PRKCD: variants seen among roughly 807,000 people sequenced by gnomAD.
PRKCD encodes the protein protein kinase C delta.
PRKCD carries 20 observed loss-of-function variants against 82.2 expected under a neutral mutation model. That is an observed-to-expected ratio of 0.24 (90% CI 0.17 to 0.35). The LOEUF (loss-of-function observed/expected upper bound fraction) is 0.35. Ranked by LOEUF, PRKCD falls within the 10% of genes least tolerant of loss-of-function variation. The probability of loss-of-function intolerance (pLI) is 1.00; values close to 1 mark genes in which losing one functional copy is unlikely to be tolerated. For synonymous variants in PRKCD, 317 were observed against 337.0 expected (o/e 0.94, Z 0.65); for missense variants, 607 against 899.0 (o/e 0.68, Z 4.15).
chr3:53,164,708 T>TA (rs1245511957), intron 1 of PRKCD, among the ~76,000 whole-genome samples: 3 of 151,910 alleles, frequency 2.0e-5, no homozygotes, highest in Non-Finnish European at 4.4e-5. Flanking sequence ...GTTTCCCCAT[T>TA]AAAAAAACTG....
chr3:53,187,551 C>A (rs1319478763), intron 15 of PRKCD, 149 bp downstream of exon 15: 2 of 901,040 alleles, frequency 2.2e-6, no homozygotes, highest in Non-Finnish European at 3.3e-6. Context: ...ATGCCTCCCA[C>A]CCTGGTGTTA....
In PRKCD at chr3:53,185,613, C is replaced by G; in HGVS notation, c.898C>G (p.Arg300Gly). The G allele has an allele frequency of 1.2e-6, 2 of 1,613,448 alleles. No individual in the cohort carries two copies. Among genetic ancestry groups the G allele is most frequent in the African/African-American group, 1.3e-5 (1 of 75,040 alleles). The change falls in exon 11 of 19, where the codon CGG becomes GGG. Residue 300 changes from arginine to glycine, a missense_variant. Around this residue, in one of 5 missense-constraint regions of PRKCD, gnomAD observed 85 missense variants for 76.1 expected, o/e 1.12. Transcript: ENST00000330452. ...TCTGCTCCCTCCCCAGAGAGCCTCC[C>G]GGAGATCAGACTCAGCCTCCTCAGA... is the stretch of plus-strand genomic sequence containing the variant. ...ALNQVTQRAS[R>G]RSDSASSEPV...
chr3:53,173,172 C>T (rs1703096490), intron 2 of PRKCD, among the ~76,000 whole-genome samples: 1 of 152,340 alleles, frequency 6.6e-6, no homozygotes, highest in South Asian at 2.1e-4. Flanking sequence ...ACCCCAGCCT[C>T]CTGTGCTGGT....
chr3:53,188,989 C>T lies in PRKCD; in HGVS notation c.1555-69C>T, dbSNP rs535109844. Reference sequence around the variant, plus strand: ...AGGCTGAGGCGGCCTGGCTAGGCTTCGTGCCCAGGGGCCCCTCTCAGCCTC... The same window carrying T: ...AGGCTGAGGCGGCCTGGCTAGGCTTTGTGCCCAGGGGCCCCTCTCAGCCTC... On this transcript the variant is annotated intron_variant, in intron 16 of 18. Transcript: ENST00000330452. The T allele has an allele frequency of 1.6e-4, 248 of 1,570,376 alleles. 2 individuals are homozygous for T. Among genetic ancestry groups the T allele is most frequent in the Non-Finnish European group, 1.7e-4 (197 of 1,156,684 alleles).
At chr3:53,170,435 C>T (rs946054788) in intron 2 of PRKCD, among the ~76,000 whole-genome samples, 4 of 152,208 alleles carry the variant, frequency 2.6e-5, no homozygotes, top group Non-Finnish European at 2.9e-5. Context: ...GGTTCAAGCC[C>T]TCCCCTCCCC....
intron 2 of PRKCD, among the ~76,000 whole-genome samples, chr3:53,176,515 G>A (rs1559620785): frequency 1.3e-5 from 2 of 152,278 alleles, no homozygotes; most frequent in Non-Finnish European, 2.9e-5. Flanking sequence ...GTCTGAGTGT[G>A]CCCCTGTGTG....
chr3:53,189,824 A>G (rs1553670403), intron 17 of PRKCD, 49 bp from the exon 18 acceptor site: 1 of 1,609,776 alleles, frequency 6.2e-7, no homozygotes, highest in African/African-American at 1.3e-5. Flanking sequence ...CTGAAGCTCC[A>G]ATTTCCCATG....
At chr3:53,162,858 A>C (rs1236264450) in intron 1 of PRKCD, among the ~76,000 whole-genome samples, 2 of 151,886 alleles carry the variant, frequency 1.3e-5, no homozygotes, top group African/African-American at 4.8e-5. Context: ...GTGCCTACCC[A>C]CCAGTCTCAT....
chr3:53,170,744 A>G lies in PRKCD; in HGVS notation c.-20+5529A>G, dbSNP rs58435324. Among the ~76,000 whole-genome samples, 1,113 of 152,064 alleles carry G rather than the reference A, an allele frequency of 7.3e-3. 18 individuals are homozygous for G. Among genetic ancestry groups the G allele is most frequent in the African/African-American group, 0.026 (1,072 of 41,464 alleles). ...CTGCATTTGGACTTCATGGTGCCAG[A>G]CTCTAGTCAGGGATGTGGGGTCCTT... On this transcript the variant is annotated intron_variant, in intron 2 of 18. Coordinates refer to ENST00000330452, the MANE Select transcript of PRKCD (RefSeq NM_006254.4).
intron 1 of PRKCD, among the ~76,000 whole-genome samples, chr3:53,163,457 T>A (rs1300875145): frequency 1.3e-5 from 2 of 151,866 alleles, no homozygotes; most frequent in Non-Finnish European, 2.9e-5. Context: ...TCTTGGGGTT[T>A]GTAGTGTTGT....
intron 4 of PRKCD, among the ~76,000 whole-genome samples, chr3:53,180,757 G>A (rs1157040780): frequency 2.0e-5 from 3 of 152,144 alleles, no homozygotes; most frequent in South Asian, 2.1e-4. Flanking sequence ...TCCCACCCTC[G>A]AGACTGTCCA....
chr3:53,167,036 G>T (rs1262746964), intron 2 of PRKCD, among the ~76,000 whole-genome samples: 1 of 152,228 alleles, frequency 6.6e-6, no homozygotes, highest in African/African-American at 2.4e-5. Context: ...AGAGGGAGTG[G>T]AGTTGCTGGG....
chr3:53,190,120 G>C, intron 18 of PRKCD, 119 bp downstream of exon 18: 3 of 1,418,280 alleles, frequency 2.1e-6, no homozygotes, highest in Non-Finnish European at 2.9e-6. Flanking sequence ...TCCATAGCAT[G>C]TTCAGTCACA....
At chr3:53,164,658 C>T (rs1421539273) in intron 1 of PRKCD, among the ~76,000 whole-genome samples, 2 of 151,904 alleles carry the variant, frequency 1.3e-5, no homozygotes, top group Non-Finnish European at 2.9e-5. Context: ...CACGCCACAT[C>T]ATTGGAACCT....
intron 1 of PRKCD, among the ~76,000 whole-genome samples, chr3:53,164,221 T>C (rs1702761591): frequency 6.6e-6 from 1 of 152,198 alleles, no homozygotes; most frequent in South Asian, 2.1e-4. Context: ...CCTCAGTTTT[T>C]TCAGCTGTGT....
In PRKCD at chr3:53,187,400, C is replaced by T. The variant is rs782354642; in HGVS notation, c.1413C>T (p.Tyr471=). The change falls in exon 15 of 19, where the codon TAC becomes TAT. Residue 471 remains tyrosine (Y), a splice_region_variant and synonymous_variant. Transcript: ENST00000330452. The part of the protein sequence containing the change: ...LQFLHSKGII[Y]RDLKLDNVLL... ...TTCTACACAGCAAGGGCATCATTTA[C>T]AGGTGCGGGGGTGAGGGCAGCGGGG... is the stretch of plus-strand genomic sequence containing the variant. 1 of 1,614,128 alleles carries T rather than the reference C, an allele frequency of 6.2e-7. No homozygotes were observed. The highest frequency in any genetic ancestry group is 8.5e-7 in the Non-Finnish European group (1 of 1,179,996).
At chr3:53,187,223 G>T (rs1703737954) in intron 14 of PRKCD, 117 bp from the exon 15 acceptor site, 1 of 1,117,060 alleles carries the variant, frequency 9.0e-7, no homozygotes, top group Non-Finnish European at 1.4e-6. Context: ...ATGCTCAGGT[G>T]GTCCATGGAG....
At chr3:53,173,484 T>C (rs1250854858) in intron 2 of PRKCD, 1 of 152,202 alleles carries the variant, frequency 6.6e-6, no homozygotes, top group Non-Finnish European at 1.5e-5. Flanking sequence ...TTGTTTTATT[T>C]GTTTTTAGTT....
chr3:53,167,905 G>A (rs1349087253), intron 2 of PRKCD, among the ~76,000 whole-genome samples: 1 of 152,220 alleles, frequency 6.6e-6, no homozygotes, highest in Non-Finnish European at 1.5e-5. Flanking sequence ...CCTCCGAGGA[G>A]AGGAGCTCCT....
Sources: gnomAD v4.1 joint callset for allele counts (sites outside exome capture counted in the v4.1 genomes callset) on GRCh38, gnomAD v4.1.1 for gene constraint, gnomAD v4.1.1 regional missense constraint, MANE v1.5 for transcripts, NCBI Gene and HGNC (gene_info 2026-07-23, HGNC 2026-07-21) for gene names.